The following CNTLN variants were observed in gnomAD, a reference collection of about 807,000 sequenced individuals.
The protein encoded by CNTLN is centlein, centrosomal protein.
CNTLN carries 212 observed loss-of-function variants against 180.0 expected under a neutral mutation model. The ratio of observed to expected loss-of-function variants is 1.18; its 90% CI spans 1.05 to 1.32. CNTLN has a LOEUF of 1.32. Among genes scored for constraint, CNTLN ranks in the 40% most tolerant of loss-of-function variants. The pLI is 0.00. For missense variants in CNTLN, 2,095 were observed against 1,610.9 expected, an observed-to-expected ratio of 1.30 and a Z score of -5.14; for synonymous variants, 722 against 563.1, an observed-to-expected ratio of 1.28 and a Z score of -3.99.
chr9:17,415,678 A>T, intron 16 of CNTLN, 110 bp from the exon 17 acceptor site: 1 of 773,056 alleles, frequency 1.3e-6, no homozygotes, highest in Non-Finnish European at 2.1e-6. Flanking sequence ...ACTTAAAAAA[A>T]ATTCTGCATA....
rs370024630 is a variant in CNTLN, at chr9:17,366,629, A to G, written c.1899A>G (p.Glu633=). ...QELMIQKMNL[E]EELDELKVHI... The stretch of plus-strand genomic sequence containing the variant: ...TGCTTTTTCATAGGATGAATCTTGA[A>G]GAAGAATTAGATGAACTTAAAGTAC... The change falls in exon 13 of 26, where the codon GAA becomes GAG. Residue 633 remains glutamate, a synonymous_variant. Coordinates refer to ENST00000380647, the MANE Select transcript of CNTLN (RefSeq NM_017738.4). 2.6e-4 allele frequency: 391 copies of G among 1,510,790 alleles called. 1 individual carries two copies. The highest frequency in any genetic ancestry group is 3.4e-4 in the Non-Finnish European group (369 of 1,095,594). 93.6% of individuals were successfully genotyped at this position (1,510,790 alleles called of 1,614,324 possible).
chr9:17,169,501 C>G (rs1820292464), intron 2 of CNTLN, among the ~76,000 whole-genome samples: 1 of 152,094 alleles, frequency 6.6e-6, no homozygotes, highest in Admixed American at 6.5e-5. Flanking sequence ...AGGAGCTTTT[C>G]CCTATTGTTT....
At chr9:17,153,887 G>T (rs911436793) in intron 2 of CNTLN, among the ~76,000 whole-genome samples, 1 of 151,982 alleles carries the variant, frequency 6.6e-6, no homozygotes. Flanking sequence ...TGTCTTCTCT[G>T]TTTATTTCAT....
At position 17,440,588 on chromosome 9, in the gene CNTLN, C is replaced by CAAAA. The variant is rs35350865; in HGVS notation, c.3115-16925_3115-16922dup. On this transcript the variant is annotated intron_variant, in intron 18 of 25. Coordinates refer to ENST00000380647, the MANE Select transcript of CNTLN (RefSeq NM_017738.4). ...TGGGCGACGGAGCGAGACTCCGTCT[C>CAAAA]AAAAAAAAAAAAAAGAACTGAAAAC... Among the ~76,000 whole-genome samples, 133 of 114,636 alleles carry CAAAA rather than the reference C, an allele frequency of 1.2e-3. 2 individuals carry two copies. The highest frequency in any genetic ancestry group is 4.3e-3 in the African/African-American group (118 of 27,712). 75.2% of individuals were successfully genotyped at this position (114,636 alleles called of 152,430 possible).
intron 6 of CNTLN, among the ~76,000 whole-genome samples, chr9:17,295,342 C>T (rs937844695): frequency 2.0e-5 from 3 of 152,200 alleles, no homozygotes; most frequent in Admixed American, 6.5e-5. Context: ...GCCAAGGTGG[C>T]GCGGAGAGCG....
chr9:17,356,077 A>G (rs112910401), intron 12 of CNTLN, among the ~76,000 whole-genome samples: 9 of 64,164 alleles, frequency 1.4e-4, no homozygotes, highest in Admixed American at 1.6e-4. Context: ...AAAAAAAAAA[A>G]AAAAGAAAAA....
At chr9:17,312,367 T>TTATATATATATATATATA (rs1819226089) in intron 8 of CNTLN, among the ~76,000 whole-genome samples, 3 of 10,938 alleles carry the variant, frequency 2.7e-4, no homozygotes, top group Non-Finnish European at 8.5e-4. Context: ...ATATATATTA[T>TTATATATATATATATATA]ATATATATAT....
intron 14 of CNTLN, among the ~76,000 whole-genome samples, chr9:17,390,183 A>G (rs1825988470): frequency 6.7e-6 from 1 of 149,344 alleles, no homozygotes; most frequent in South Asian, 2.2e-4. Context: ...TAATACACAC[A>G]TTTCATAGCT....
chr9:17,502,250 A>G (rs770633043), intron 25 of CNTLN, among the ~76,000 whole-genome samples: 4 of 152,216 alleles, frequency 2.6e-5, no homozygotes, highest in Admixed American at 2.0e-4. Context: ...AGCTGATTGA[A>G]GATAAATGGC....
chr9:17,492,322 C>T (rs1299236751), intron 25 of CNTLN, among the ~76,000 whole-genome samples: 1 of 151,714 alleles, frequency 6.6e-6, no homozygotes, highest in African/African-American at 2.4e-5. Flanking sequence ...TTTACCTCCT[C>T]TAATATATAT....
In CNTLN at chr9:17,282,397, G is replaced by C. The variant is rs1034644397; in HGVS notation, c.983+8531G>C. Among the ~76,000 whole-genome samples the C allele has an allele frequency of 2.0e-5, 3 of 152,134 alleles. 1 individual carries two copies. The highest frequency in any genetic ancestry group is 4.4e-5 in the Non-Finnish European group (3 of 68,036). ...CATCATAAATGTCTTCTTTTGAGAA[G>C]TGTCTGTTCGTGTCCTTTGCCCACT... On this transcript the variant is annotated intron_variant, in intron 6 of 25. Coordinates refer to ENST00000380647, the MANE Select transcript of CNTLN (RefSeq NM_017738.4).
At chr9:17,322,129 C>T (rs1204536170) in intron 8 of CNTLN, among the ~76,000 whole-genome samples, 2 of 151,872 alleles carry the variant, frequency 1.3e-5, no homozygotes, top group Non-Finnish European at 2.9e-5. Context: ...ATTTTTAATT[C>T]AGTTGTATAT....
At chr9:17,232,183 A>T (rs1464249536) in intron 3 of CNTLN, among the ~76,000 whole-genome samples, 1 of 152,032 alleles carries the variant, frequency 6.6e-6, no homozygotes, top group African/African-American at 2.4e-5. Flanking sequence ...ACAAACTTTT[A>T]CACTTTTAGA....
intron 2 of CNTLN, among the ~76,000 whole-genome samples, chr9:17,160,989 A>C (rs1234708596): frequency 6.6e-6 from 1 of 152,206 alleles, no homozygotes; most frequent in Non-Finnish European, 1.5e-5. Context: ...ACTCTCTAAT[A>C]GGAAAGACAT....
At chr9:17,291,776 C>A (rs1034451341) in intron 6 of CNTLN, among the ~76,000 whole-genome samples, 3 of 152,162 alleles carry the variant, frequency 2.0e-5, no homozygotes, top group Non-Finnish European at 2.9e-5. Flanking sequence ...CATTCTGTGT[C>A]TTTTAATCGG....
intron 6 of CNTLN, among the ~76,000 whole-genome samples, chr9:17,277,477 G>C (rs1481666418): frequency 6.6e-6 from 1 of 151,972 alleles, no homozygotes; most frequent in Non-Finnish European, 1.5e-5. Context: ...AAATAATCTG[G>C]ACTTAAATTA....
intron 2 of CNTLN, among the ~76,000 whole-genome samples, chr9:17,197,547 A>G (rs1822213895): frequency 6.6e-6 from 1 of 152,124 alleles, no homozygotes; most frequent in Non-Finnish European, 1.5e-5. Flanking sequence ...TTTGAGAAAT[A>G]TATATTCAGA....
chr9:17,298,057 T>C lies in CNTLN; in HGVS notation c.984-133T>C, dbSNP rs578082270. On this transcript the variant is annotated intron_variant, in intron 6 of 25. Transcript: ENST00000380647. ...ATTAAATATGTCATTATTTCTTTTATTAATAAGTTTGCCTGCAGTACAAAT... is the reference window on the plus strand; with the variant it reads ...ATTAAATATGTCATTATTTCTTTTACTAATAAGTTTGCCTGCAGTACAAAT... The C allele has an allele frequency of 1.8e-5, 10 of 556,874 alleles. No individual in the cohort carries two copies. In the African/African-American group the frequency reaches 1.9e-4, roughly 11 times the overall value. The allele number at this position is 556,874 out of a possible 1,614,324, so 34.5% of individuals were successfully genotyped here.
At chr9:17,212,379 C>G (rs1247572163) in intron 2 of CNTLN, among the ~76,000 whole-genome samples, 1 of 152,142 alleles carries the variant, frequency 6.6e-6, no homozygotes, top group Non-Finnish European at 1.5e-5. Context: ...ATATGTTGAA[C>G]CAGCCTTGCA....
Sources: gnomAD v4.1 joint callset for allele counts (sites outside exome capture counted in the v4.1 genomes callset) on GRCh38, gnomAD v4.1.1 for gene constraint, MANE v1.5 for transcripts, NCBI Gene and HGNC (gene_info 2026-07-23, HGNC 2026-07-21) for gene names.